Variants in PSD3 observed in about 807,000 individuals in gnomAD.
The protein encoded by PSD3 is PH and SEC7 domain-containing protein 3.
In PSD3, 49 loss-of-function variants were observed where a neutral mutation model predicts 105.5. The observed-to-expected ratio is 0.46, with a 90% CI of 0.37 to 0.59. The LOEUF is 0.59. PSD3 is among the 20% of genes least tolerant of loss of function. PSD3 has a pLI of 0.00. For missense variants in PSD3, 1,561 were observed against 1,263.8 expected, an observed-to-expected ratio of 1.24 and a Z score of -3.57; for synonymous variants, 557 against 457.8, an observed-to-expected ratio of 1.22 and a Z score of -2.77.
At chr8:18,608,415 G>T (rs1436185390) in intron 11 of PSD3, among the ~76,000 whole-genome samples, 1 of 152,164 alleles carries the variant, frequency 6.6e-6, no homozygotes, top group Admixed American at 6.5e-5. Context: ...CCAACAAGCT[G>T]CTGTGATCGT....
chr8:18,686,721 G>C (rs1016566357), intron 9 of PSD3, among the ~76,000 whole-genome samples: 2 of 152,142 alleles, frequency 1.3e-5, no homozygotes, highest in African/African-American at 4.8e-5. Flanking sequence ...AGTCAGGCCT[G>C]ACTCTTCATT....
chr8:18,658,033 A>G (rs1398636082), intron 9 of PSD3, among the ~76,000 whole-genome samples: 4 of 152,250 alleles, frequency 2.6e-5, no homozygotes, highest in African/African-American at 9.6e-5. Flanking sequence ...AATTCTTGCT[A>G]TTCAATCAGC....
chr8:18,890,961 C>G (rs1286103005), intron 2 of PSD3, among the ~76,000 whole-genome samples: 1 of 152,140 alleles, frequency 6.6e-6, no homozygotes, highest in African/African-American at 2.4e-5. Context: ...AACTCTCTAC[C>G]AGTTTCTGTG....
intron 1 of PSD3, among the ~76,000 whole-genome samples, chr8:19,075,808 G>A (rs6586800): frequency 0.95 from 144,711 of 152,258 alleles, 69,251 homozygotes; most frequent in East Asian, 1. Flanking sequence ...CTGCCCTAAA[G>A]GCTTATAGAA....
chr8:18,735,044 C>G (rs1585772808), intron 9 of PSD3, among the ~76,000 whole-genome samples: 1 of 152,152 alleles, frequency 6.6e-6, no homozygotes, highest in Non-Finnish European at 1.5e-5. Flanking sequence ...CGCCGAGGAC[C>G]ACTCATGCCT....
intron 2 of PSD3, among the ~76,000 whole-genome samples, chr8:18,898,463 C>T (rs1819292844): frequency 6.6e-6 from 1 of 152,008 alleles, no homozygotes. Context: ...TGTCTTTTTC[C>T]ATACTTTCAC....
intron 15 of PSD3, among the ~76,000 whole-genome samples, chr8:18,554,197 C>T (rs1800936422): frequency 6.6e-6 from 1 of 152,130 alleles, no homozygotes; most frequent in Non-Finnish European, 1.5e-5. Flanking sequence ...CAGCGAGGTG[C>T]TGAGTGCTGG....
At chr8:19,065,591 G>T (rs4921623) in intron 1 of PSD3, among the ~76,000 whole-genome samples, 1 of 151,898 alleles carries the variant, frequency 6.6e-6, no homozygotes, top group African/African-American at 2.4e-5. Context: ...AAACACGTTC[G>T]CTGGTTTATT....
intron 9 of PSD3, among the ~76,000 whole-genome samples, chr8:18,714,053 A>G (rs1458319910): frequency 1.3e-5 from 2 of 152,174 alleles, no homozygotes; most frequent in Non-Finnish European, 2.9e-5. Flanking sequence ...TTTAATAAAT[A>G]GTGTTGTGAA....
chr8:18,835,013 T>C (rs1813989500), intron 4 of PSD3, among the ~76,000 whole-genome samples: 1 of 152,188 alleles, frequency 6.6e-6, no homozygotes, highest in African/African-American at 2.4e-5. Context: ...AATTAAGGTA[T>C]TCAGATAGCT....
At chr8:18,830,296 C>T (rs968405434) in intron 4 of PSD3, among the ~76,000 whole-genome samples, 5 of 152,168 alleles carry the variant, frequency 3.3e-5, no homozygotes, top group Admixed American at 2.0e-4. Context: ...CCTCAAGCTC[C>T]AAGGACCTTG....
At chr8:18,864,890 T>C (rs1245919571) in intron 4 of PSD3, 1 of 151,982 alleles carries the variant, frequency 6.6e-6, no homozygotes, top group Non-Finnish European at 1.5e-5. Flanking sequence ...CACTGATTGC[T>C]TTAAAAATGT....
chr8:18,608,699 G>A (rs62500560), intron 11 of PSD3, among the ~76,000 whole-genome samples: 29,924 of 152,074 alleles, frequency 0.2, 3,147 homozygotes, highest in Middle Eastern at 0.37. Flanking sequence ...CTTTCATAAA[G>A]AGGAAGATAT....
intron 1 of PSD3, among the ~76,000 whole-genome samples, chr8:19,054,443 T>C (rs566576393): frequency 1.6e-4 from 24 of 152,108 alleles, no homozygotes; most frequent in Admixed American, 2.6e-4. Context: ...ATAATGTTTG[T>C]TGAGGGAAAG....
At chr8:18,616,189 G>A (rs10088472) in intron 11 of PSD3, among the ~76,000 whole-genome samples, 47,010 of 151,982 alleles carry the variant, frequency 0.31, 7,502 homozygotes, top group Middle Eastern at 0.46. Context: ...AGGTGATGCT[G>A]CTCCACGATG....
chr8:18,840,374 T>A (rs1259519811), intron 4 of PSD3, among the ~76,000 whole-genome samples: 1 of 152,212 alleles, frequency 6.6e-6, no homozygotes, highest in Non-Finnish European at 1.5e-5. Flanking sequence ...GTACAGACAT[T>A]CTGCTGTCCT....
At chr8:18,636,741 G>T (rs955760860) in intron 10 of PSD3, among the ~76,000 whole-genome samples, 14 of 152,056 alleles carry the variant, frequency 9.2e-5, no homozygotes, top group African/African-American at 2.9e-4. Flanking sequence ...AAATACCATT[G>T]TGTTACTACT....
At chr8:19,034,414 T>C (rs1827876939) in intron 1 of PSD3, among the ~76,000 whole-genome samples, 1 of 152,178 alleles carries the variant, frequency 6.6e-6, no homozygotes, top group Admixed American at 6.5e-5. Flanking sequence ...CAGGAAACCC[T>C]TAGACAATAT....
chr8:18,748,567 G>A (rs996684046), intron 9 of PSD3, among the ~76,000 whole-genome samples: 2 of 151,532 alleles, frequency 1.3e-5, no homozygotes, highest in Non-Finnish European at 2.9e-5. Context: ...GGCTGAGGCA[G>A]GAGAATGGCG....
Sources: allele counts gnomAD v4.1 joint callset (sites outside exome capture counted in the v4.1 genomes callset), GRCh38; gene constraint gnomAD v4.1.1; transcripts MANE v1.5; gene names NCBI Gene and HGNC (gene_info 2026-07-23, HGNC 2026-07-21).